The following PRIMA1 variants were observed in gnomAD, a reference collection of about 807,000 sequenced individuals.
PRIMA1 encodes the protein proline rich membrane anchor 1.
In PRIMA1, 7 loss-of-function variants were observed where a neutral mutation model predicts 17.5. The observed-to-expected ratio is 0.40, with a 90% CI of 0.23 to 0.75. The LOEUF is 0.75. PRIMA1 is among the 30% of genes least tolerant of loss of function. PRIMA1 has a pLI of 0.37. For missense variants in PRIMA1, 200 were observed against 201.8 expected (o/e 0.99, Z 0.05); for synonymous variants, 97 against 77.9 (o/e 1.25, Z -1.29).
intron 3 of PRIMA1, among the ~76,000 whole-genome samples, chr14:93,748,045 T>A (rs61980271): frequency 0.039 from 859 of 21,924 alleles, 6 homozygotes; most frequent in South Asian, 0.092. Flanking sequence ...TGGGAGTGTG[T>A]GAGTGTGTGT....
rs755756364 is a variant in PRIMA1, at chr14:93,787,647, G to C, written c.72C>G (p.His24Gln). 6.5e-7 allele frequency: 1 copy of C among 1,542,814 alleles called. No homozygotes were observed. The highest frequency in any genetic ancestry group is 1.2e-5 in the South Asian group (1 of 84,042). Residue 24 changes from histidine (H) to glutamine (Q), a missense_variant, in exon 2 of 5, where the codon CAC becomes CAG. Transcript: ENST00000393140. ...TCACCTGCACGAAGCCCCAGAGCGG[G>C]TGGAGCGCGCAGTGCAGCAGCAGCG... ...WSSLLLHCALHPLWGFVQVTH... is the reference protein window; with the variant it reads ...WSSLLLHCALQPLWGFVQVTH...
chr14:93,781,786 C>T (rs554265005), intron 2 of PRIMA1, among the ~76,000 whole-genome samples: 1 of 150,126 alleles, frequency 6.7e-6, no homozygotes, highest in East Asian at 2.0e-4. Context: ...ACCAGCCTGG[C>T]CAACGTGATG....
At chr14:93,758,836 C>T (rs1299066567) in intron 3 of PRIMA1, among the ~76,000 whole-genome samples, 1 of 152,020 alleles carries the variant, frequency 6.6e-6, no homozygotes, top group Non-Finnish European at 1.5e-5. Flanking sequence ...ATGATGAGGG[C>T]CCACTGTCTA....
intron 3 of PRIMA1, among the ~76,000 whole-genome samples, chr14:93,749,582 G>A (rs944269640): frequency 1.3e-5 from 2 of 152,116 alleles, no homozygotes; most frequent in Non-Finnish European, 2.9e-5. Context: ...ACTTGACATG[G>A]AGAGCCAGTG....
chr14:93,753,673 A>T (rs1322581103), intron 3 of PRIMA1, among the ~76,000 whole-genome samples: 1 of 152,184 alleles, frequency 6.6e-6, no homozygotes, highest in Non-Finnish European at 1.5e-5. Flanking sequence ...GCCCGACAAC[A>T]GAGCTTTCCC....
chr14:93,784,070 G>A (rs920724743), intron 2 of PRIMA1, among the ~76,000 whole-genome samples: 1 of 152,158 alleles, frequency 6.6e-6, no homozygotes, highest in African/African-American at 2.4e-5. Context: ...GGCAGTACCT[G>A]CCTCTCATCT....
intron 3 of PRIMA1, among the ~76,000 whole-genome samples, chr14:93,759,140 G>A (rs529474048): frequency 1.3e-5 from 2 of 152,294 alleles, no homozygotes; most frequent in African/African-American, 2.4e-5. Flanking sequence ...CGCAGGGCAC[G>A]AGGTTAGGAC....
chr14:93,783,688 C>T (rs1240885834), intron 2 of PRIMA1, among the ~76,000 whole-genome samples: 1 of 152,232 alleles, frequency 6.6e-6, no homozygotes, highest in East Asian at 1.9e-4. Flanking sequence ...TTCTTATTCC[C>T]ATTTCACAAT....
At chr14:93,757,971 C>A (rs1021768812) in intron 3 of PRIMA1, among the ~76,000 whole-genome samples, 1 of 152,164 alleles carries the variant, frequency 6.6e-6, no homozygotes, top group Non-Finnish European at 1.5e-5. Flanking sequence ...TGATGGGGGG[C>A]CTAGGAGGCT....
chr14:93,763,289 G>C (rs943448378), intron 3 of PRIMA1, among the ~76,000 whole-genome samples: 2 of 152,086 alleles, frequency 1.3e-5, no homozygotes, highest in African/African-American at 2.4e-5. Flanking sequence ...CTAAACCCCC[G>C]ATCAGTGCAC....
chr14:93,787,784 C>G, intron 1 of PRIMA1, 35 bp from the exon 2 acceptor site: 1 of 1,516,564 alleles, frequency 6.6e-7, no homozygotes, highest in South Asian at 1.2e-5. Context: ...CAGGCGGACA[C>G]CGCGCAGGCA....
intron 3 of PRIMA1, among the ~76,000 whole-genome samples, chr14:93,740,078 T>TAAATA (rs2076175709): frequency 6.9e-6 from 1 of 145,886 alleles, no homozygotes; most frequent in Non-Finnish European, 1.5e-5. Context: ...AAAAAATCAA[T>TAAATA]AAATAAAATA....
chr14:93,766,684 C>T (rs1884900409), intron 3 of PRIMA1, among the ~76,000 whole-genome samples: 1 of 152,214 alleles, frequency 6.6e-6, no homozygotes, highest in Admixed American at 6.5e-5. Flanking sequence ...GCAGACGCTC[C>T]TCAGCCCTGA....
chr14:93,767,916 A>C (rs1239485956), intron 3 of PRIMA1, among the ~76,000 whole-genome samples: 26 of 152,224 alleles, frequency 1.7e-4, no homozygotes, highest in Admixed American at 1.4e-3. Context: ...CAGGCGGAAG[A>C]TCAGTGGCTG....
chr14:93,747,449 G>A (rs1452503128), intron 3 of PRIMA1, among the ~76,000 whole-genome samples: 1 of 152,182 alleles, frequency 6.6e-6, no homozygotes, highest in Admixed American at 6.5e-5. Flanking sequence ...CACAACTCGC[G>A]GTTCAAGTTT....
intron 4 of PRIMA1, among the ~76,000 whole-genome samples, chr14:93,722,956 C>A (rs1309752411): frequency 2.0e-5 from 3 of 152,010 alleles, no homozygotes; most frequent in Non-Finnish European, 4.4e-5. Flanking sequence ...GTGGTTTTTC[C>A]TACGCATATA....
intron 3 of PRIMA1, among the ~76,000 whole-genome samples, chr14:93,755,601 G>C (rs73338009): frequency 0.017 from 2,626 of 152,284 alleles, 61 homozygotes; most frequent in African/African-American, 0.06. Flanking sequence ...GCACTGGACT[G>C]CCTGGTGGTG....
At chr14:93,729,263 G>C (rs778724482) in intron 4 of PRIMA1, among the ~76,000 whole-genome samples, 6 of 152,240 alleles carry the variant, frequency 3.9e-5, no homozygotes, top group Non-Finnish European at 5.9e-5. Context: ...CCCTCAGGAG[G>C]CCCTTCCTTG....
chr14:93,752,920 G>A (rs2076269405), intron 3 of PRIMA1, among the ~76,000 whole-genome samples: 1 of 152,210 alleles, frequency 6.6e-6, no homozygotes, highest in Non-Finnish European at 1.5e-5. Flanking sequence ...AATTTGGACT[G>A]GATAGTTCTT....
Sources: allele counts gnomAD v4.1 joint callset (sites outside exome capture counted in the v4.1 genomes callset), GRCh38; gene constraint gnomAD v4.1.1; transcripts MANE v1.5; gene names NCBI Gene and HGNC (gene_info 2026-07-23, HGNC 2026-07-21).